Variants in DHDH observed in about 807,000 individuals in gnomAD.
DHDH encodes the protein dihydrodiol dehydrogenase, also known as trans-1,2-dihydrobenzene-1,2-diol dehydrogenase.
A neutral mutation model predicts 33.2 loss-of-function variants in DHDH; 29 were observed. The observed-to-expected ratio is 0.87, with a 90% confidence interval of 0.65 to 1.19. DHDH has a LOEUF of 1.19. Ranked by LOEUF, DHDH falls within the 50% of genes most tolerant of loss-of-function variation. The pLI, the probability that DHDH is intolerant of heterozygous loss-of-function variation, is 0.00. For missense variants in DHDH, 431 were observed against 455.0 expected, an observed-to-expected ratio of 0.95 and a Z score of 0.48; for synonymous variants, 201 against 187.9, an observed-to-expected ratio of 1.07 and a Z score of -0.57.
chr19:48,938,081 G>C (rs1240622501), intron 3 of DHDH, among the ~76,000 whole-genome samples: 1 of 152,012 alleles, frequency 6.6e-6, no homozygotes, highest in Non-Finnish European at 1.5e-5. Context: ...CCAAGAGGTA[G>C]AACTCTGGTT....
chr19:48,933,422 CA>C (rs1255275635), upstream of DHDH, among the ~76,000 whole-genome samples: 6 of 152,174 alleles, frequency 3.9e-5, no homozygotes, highest in Non-Finnish European at 7.3e-5. Flanking sequence ...GGCAAGAAAG[CA>C]AACCTCTCCT....
chr19:48,940,527 C>CA lies in DHDH; in HGVS notation c.619+839dup, dbSNP rs879675350. 3.2e-3 allele frequency among the ~76,000 whole-genome samples: 422 copies of CA among 130,084 alleles called. 1 individual carries two copies. The highest frequency in any genetic ancestry group is 4.4e-3 in the Admixed American group (56 of 12,742). The allele number at this position is 130,084 out of a possible 152,430, so 85.3% of individuals were successfully genotyped here. A position where few individuals can be genotyped will look rare whatever the true frequency, so the allele number is the denominator to read the frequency against. On this transcript the variant is annotated intron_variant, in intron 4 of 6. Coordinates refer to ENST00000221403, the MANE Select transcript of DHDH (RefSeq NM_014475.4). The stretch of plus-strand genomic sequence containing the variant: ...GCTTCATTAAAGTTACATTCAGCCG[C>CA]AAAAAAAAAAAAACATAACACTACC...
chr19:48,940,296 A>G (rs2037841009), intron 4 of DHDH, among the ~76,000 whole-genome samples: 1 of 151,490 alleles, frequency 6.6e-6, no homozygotes, highest in Admixed American at 6.6e-5. Context: ...CGGAGGTTGC[A>G]GTGAGCTGAG....
rs778426014 is a variant in DHDH at position 48,933,703 on chromosome 19, A to C, written c.-19A>C. On this transcript the variant is annotated 5_prime_UTR_variant, in exon 1 of 7. Coordinates refer to ENST00000221403, the MANE Select transcript of DHDH (RefSeq NM_014475.4). ...GCGCCTGGAGGGACCGAAGGTGCCG[A>C]GGGCTCCGCATCGCAACCATGGCGC... 5.6e-6 allele frequency: 9 copies of C among 1,612,832 alleles called. No individual in the cohort carries two copies. The highest frequency in any genetic ancestry group is 6.8e-6 in the Non-Finnish European group (8 of 1,179,776).
At chr19:48,935,398 G>T (rs1255039489) in intron 2 of DHDH, among the ~76,000 whole-genome samples, 2 of 152,218 alleles carry the variant, frequency 1.3e-5, no homozygotes, top group African/African-American at 4.8e-5. Flanking sequence ...GCACGCACCT[G>T]TAATCCCAGC....
chr19:48,932,804 A>G (rs1200449388), upstream of DHDH, among the ~76,000 whole-genome samples: 1 of 152,128 alleles, frequency 6.6e-6, no homozygotes, highest in East Asian at 1.9e-4. Flanking sequence ...GCGAGACCCT[A>G]TATCAATAAT....
chr19:48,933,984 GA>G (rs1241000865), intron 1 of DHDH, among the ~76,000 whole-genome samples, 173 bp downstream of exon 1: 1 of 152,196 alleles, frequency 6.6e-6, no homozygotes, highest in African/African-American at 2.4e-5. Flanking sequence ...GTGGGGAAAA[GA>G]AAGATCAGAT....
rs767002970 is a variant in DHDH, at chr19:48,936,035, T to A, written c.206T>A (p.Val69Glu). Reference sequence around the variant, plus strand: ...TCTTGACCTACTCCCACCCTAGAGGTGGCCTACATTGGCACCCAGCACCCC... The same window carrying A: ...TCTTGACCTACTCCCACCCTAGAGGAGGCCTACATTGGCACCCAGCACCCC... ...EELAKDPSVEVAYIGTQHPQH... is the reference protein window; with the variant it reads ...EELAKDPSVEEAYIGTQHPQH... Residue 69 changes from valine (V) to glutamate (E), a missense_variant, in exon 3 of 7, where the codon GTG (valine) becomes GAG (glutamate). By Grantham distance (121) the Val-to-Glu change is moderately radical (BLOSUM62 -2). Coordinates refer to ENST00000221403, the MANE Select transcript of DHDH (RefSeq NM_014475.4). 2 of 1,598,338 alleles carry A rather than the reference T, an allele frequency of 1.3e-6. No homozygotes were observed. The highest frequency in any genetic ancestry group is 2.7e-5 in the African/African-American group (2 of 74,638).
At chr19:48,938,703 G>C (rs961252819) in intron 3 of DHDH, among the ~76,000 whole-genome samples, 4 of 149,542 alleles carry the variant, frequency 2.7e-5, no homozygotes, top group Non-Finnish European at 4.4e-5. Context: ...GGAGTGCAAC[G>C]GTGCGATCTT....
At position 48,944,419 on chromosome 19, in the gene DHDH, G is replaced by C. The variant is rs369662956; in HGVS notation, c.807G>C (p.Pro269=). 1 of 1,614,138 alleles carries C rather than the reference G, an allele frequency of 6.2e-7. No homozygotes were observed. The change falls in exon 6 of 7, where the codon CCG becomes CCC. Residue 269 remains proline, a synonymous_variant. Transcript: ENST00000221403. The part of the protein sequence containing the change: ...LVVKGEHKEF[P]LPPVPKDCNF... ...TGAAGGGGGAGCATAAGGAGTTCCC[G>C]CTGCCCCCAGTCCCAAAGGACTGCA... is the stretch of plus-strand genomic sequence containing the variant.
chr19:48,940,819 G>GC (rs748236583), intron 4 of DHDH, among the ~76,000 whole-genome samples: 2 of 152,150 alleles, frequency 1.3e-5, no homozygotes, highest in Non-Finnish European at 2.9e-5. Flanking sequence ...TGGTGCCACT[G>GC]CATTCCAGCC....
Position 48,937,267 on chromosome 19 carries a change from G to A in DHDH, c.366+1072G>A, listed in dbSNP as rs866913817. Reference sequence around the variant, plus strand: ...TGCCCCCGGCTCCCCAGTGCCCTCAGGCCTGTGTTCACGCTCCTCTCGACT... The same window carrying A: ...TGCCCCCGGCTCCCCAGTGCCCTCAAGCCTGTGTTCACGCTCCTCTCGACT... On this transcript the variant is annotated intron_variant, in intron 3 of 6. Coordinates refer to ENST00000221403, the MANE Select transcript of DHDH (RefSeq NM_014475.4). Among the ~76,000 whole-genome samples, 12 of 152,280 alleles carry A rather than the reference G, an allele frequency of 7.9e-5. 1 individual carries two copies. Among genetic ancestry groups the A allele is most frequent in the South Asian group, 4.2e-4 (2 of 4,800 alleles).
At chr19:48,937,753 A>T (rs956662010) in intron 3 of DHDH, among the ~76,000 whole-genome samples, 2 of 150,610 alleles carry the variant, frequency 1.3e-5, no homozygotes, top group Admixed American at 1.3e-4. Flanking sequence ...CGGAGGTTGC[A>T]GTGAGCTAAG....
chr19:48,944,772 T>C (rs2037917635), intron 6 of DHDH, 52 bp from the exon 7 acceptor site: 3 of 1,507,594 alleles, frequency 2.0e-6, no homozygotes, highest in Non-Finnish European at 2.8e-6. Flanking sequence ...TGTAGTTCTT[T>C]GGGTCTTGGG....
intron 2 of DHDH, 132 bp from the exon 3 acceptor site, chr19:48,935,900 C>T: frequency 4.8e-6 from 5 of 1,032,470 alleles, no homozygotes; most frequent in Non-Finnish European, 6.9e-6. Flanking sequence ...CTAAGGACAG[C>T]TCCCTAAGGG....
intron 2 of DHDH, 149 bp downstream of exon 2, chr19:48,935,260 G>T: frequency 1.7e-6 from 1 of 591,800 alleles, no homozygotes. Context: ...TATAAAACGG[G>T]CTTGGTCTGG....
chr19:48,943,466 C>T (rs915996803), intron 5 of DHDH, among the ~76,000 whole-genome samples: 1 of 151,298 alleles, frequency 6.6e-6, no homozygotes, highest in Non-Finnish European at 1.5e-5. Context: ...CCAAGGCAGG[C>T]AGATCACTTG....
chr19:48,943,994 C>CA (rs999516776), intron 5 of DHDH, among the ~76,000 whole-genome samples: 1 of 150,184 alleles, frequency 6.7e-6, no homozygotes, highest in African/African-American at 2.5e-5. Context: ...GACTCCATCT[C>CA]AAAAAAAAGA....
intron 5 of DHDH, among the ~76,000 whole-genome samples, chr19:48,944,079 A>G (rs576983377): frequency 1.3e-5 from 2 of 152,270 alleles, no homozygotes; most frequent in East Asian, 3.9e-4. Flanking sequence ...TCCTCTCTAG[A>G]CCTTAAGAAC....
Sources: allele counts gnomAD v4.1 joint callset (sites outside exome capture counted in the v4.1 genomes callset), GRCh38; gene constraint gnomAD v4.1.1; transcripts MANE v1.5; gene names NCBI Gene and HGNC (gene_info 2026-07-23, HGNC 2026-07-21).